Variants in BRD2 observed in about 807,000 individuals in gnomAD.
The protein encoded by BRD2 is bromodomain-containing protein 2.
A neutral mutation model predicts 79.1 loss-of-function variants in BRD2; 15 were observed. The ratio of observed to expected loss-of-function variants is 0.19; its 90% CI spans 0.13 to 0.29. BRD2 has a LOEUF of 0.29. BRD2 is among the 10% of genes least tolerant of loss of function. The pLI is 1.00. For synonymous variants in BRD2, 488 were observed against 358.6 expected (o/e 1.36, Z -4.08); for missense variants, 1,053 against 991.3 (o/e 1.06, Z -0.84).
At chr6:32,974,261 A>C (rs1778421967) in intron 2 of BRD2, among the ~76,000 whole-genome samples, 2 of 152,246 alleles carry the variant, frequency 1.3e-5, no homozygotes, top group Non-Finnish European at 2.9e-5. Context: ...TAGATAGTAT[A>C]CTAAAAATAT....
Position 32,980,821 on chromosome 6 carries a change from AC to A in BRD2, c.*112del, listed in dbSNP as rs5875429. 166,713 of 1,204,520 alleles carry A rather than the reference AC, an allele frequency of 0.14. 11,467 individuals are homozygous for A. The highest frequency in any genetic ancestry group is 0.16 in the Non-Finnish European group (137,996 of 872,798). The allele number at this position is 1,204,520 out of a possible 1,614,324, so 74.6% of individuals were successfully genotyped here. A position where few individuals can be genotyped will look rare whatever the true frequency, so the allele number is the denominator to read the frequency against. ...CTTTGCTGTGACACTTCTTCATCTC[AC>A]CCCCCCCCGCCCCCCTCTAGGAGAG... On this transcript the variant is annotated 3_prime_UTR_variant, in exon 13 of 13. Transcript: ENST00000374825.
intron 3 of BRD2, 76 bp from the exon 4 acceptor site, chr6:32,975,308 G>GTA: frequency 8.4e-7 from 1 of 1,195,198 alleles, no homozygotes; most frequent in African/African-American, 1.7e-5. Context: ...GTGTGTGTGT[G>GTA]TGAGAGTCGG....
chr6:32,975,355 T>G (rs753133665), intron 3 of BRD2, 29 bp from the exon 4 acceptor site: 1 of 1,570,546 alleles, frequency 6.4e-7, no homozygotes, highest in African/African-American at 1.4e-5. Flanking sequence ...TATTTTTCTG[T>G]GGTTCTGACC....
intron 10 of BRD2, 180 bp downstream of exon 10, chr6:32,978,568 A>G (rs1353924154): frequency 3.9e-6 from 4 of 1,023,670 alleles, no homozygotes; most frequent in Non-Finnish European, 4.2e-6. Flanking sequence ...TTTACCACAG[A>G]CAGGGTTTGA....
At chr6:32,979,524 G>C in intron 10 of BRD2, 1 of 411,604 alleles carries the variant, frequency 2.4e-6, no homozygotes, top group Non-Finnish European at 4.3e-6. Flanking sequence ...TGACAACCCT[G>C]TGTGGAGCAA....
chr6:32,979,720 C>T (rs1779281577), intron 10 of BRD2, 108 bp from the exon 11 acceptor site: 1 of 1,328,418 alleles, frequency 7.5e-7, no homozygotes, highest in African/African-American at 1.5e-5. Flanking sequence ...AATGGAAAAA[C>T]AGAAGCTCCA....
chr6:32,969,553 G>C (rs1310001312), intron 1 of BRD2, among the ~76,000 whole-genome samples: 1 of 152,196 alleles, frequency 6.6e-6, no homozygotes, highest in African/African-American at 2.4e-5. Context: ...TTGTGTCCGC[G>C]GTAGGGGAGC....
In BRD2 at chr6:32,976,270, A is replaced by G. The variant is rs747030640; in HGVS notation, c.631A>G (p.Ser211Gly). Residue 211 changes from serine to glycine, a missense_variant, in exon 6 of 13, where the codon AGT becomes GGT. Ser to Gly is a moderately conservative substitution (Grantham distance 56, BLOSUM62 0). Transcript: ENST00000374825. ...TCTAGCGCTCCAGGGCAGTGTTACC[A>G]GTGCCCATCAGGTGCCTGCCGTCTC... ...KLAALQGSVT[S>G]AHQVPAVSSV... 1.9e-6 allele frequency: 3 copies of G among 1,613,036 alleles called. No individual in the cohort carries two copies. The highest frequency in any genetic ancestry group is 1.1e-5 in the South Asian group (1 of 91,078).
rs758572300 is a variant in BRD2 at position 32,978,358 on chromosome 6, G to A, written c.1811G>A (p.Gly604Asp). The change falls in exon 10 of 13, where the codon GGC (glycine) becomes GAC (aspartate). Residue 604 changes from glycine to aspartate, a missense_variant. By Grantham distance (94) the Gly-to-Asp change is moderately conservative (BLOSUM62 -1). This residue lies in a region of BRD2 where 454 missense variants were observed against 430.5 expected (regional missense o/e 1.05). Transcript: ENST00000374825. ...GGGSAALGPS[G>D]FGPSGGSGTK... ...GGCAGTGCTGCTTTAGGCCCTTCTG[G>A]CTTTGGACCTTCTGGAGGAAGTGGC... The A allele has an allele frequency of 1.2e-6, 2 of 1,612,662 alleles. No homozygotes were observed. Among genetic ancestry groups the A allele is most frequent in the Non-Finnish European group, 8.5e-7 (1 of 1,179,956 alleles).
Position 32,972,913 on chromosome 6 carries a change from G to A in BRD2, c.15G>A (p.Val5=), listed in dbSNP as rs752766238. 1.2e-6 allele frequency: 2 copies of A among 1,613,978 alleles called. No individual in the cohort carries two copies. Among genetic ancestry groups the A allele is most frequent in the African/African-American group, 2.7e-5 (2 of 74,934 alleles). MLQN[V]TPHNKLPGEG... ...TTGCGGTCAAGATGCTGCAAAACGT[G>A]ACTCCCCACAATAAGTACGTTTCCG... Residue 5 remains valine, a synonymous_variant, in exon 2 of 13, where the codon GTG becomes GTA. Transcript: ENST00000374825.
chr6:32,978,974 T>C (rs1275235693), intron 10 of BRD2: 1 of 154,818 alleles, frequency 6.5e-6, no homozygotes, highest in Non-Finnish European at 1.4e-5. Context: ...TGCCTGTTGC[T>C]CTAAATCAAT....
intron 4 of BRD2, 131 bp downstream of exon 4, chr6:32,975,652 C>A: frequency 1.8e-6 from 2 of 1,130,318 alleles, no homozygotes; most frequent in Non-Finnish European, 1.3e-6. Context: ...TAGTCGGAGT[C>A]TTAAAAACCT....
At position 32,972,064 on chromosome 6, in the gene BRD2, C is replaced by T. The variant is rs777890525; in HGVS notation, c.-835C>T. 4 of 699,292 alleles carry T rather than the reference C, an allele frequency of 5.7e-6. No individual in the cohort carries two copies. The Admixed American group carries it at 6.0e-5, about 11-fold the overall frequency. 43.3% of individuals were successfully genotyped at this position (699,292 alleles called of 1,614,324 possible). ...GAGAGGTGTTCCTTCCCCTTCGACT[C>T]AGCTTCTTCACCCGCGTGAGCGAGC... On this transcript the variant is annotated 5_prime_UTR_variant, in exon 2 of 13. Transcript: ENST00000374825.
chr6:32,976,485 C>T, intron 6 of BRD2, 21 bp downstream of exon 6: 4 of 1,605,474 alleles, frequency 2.5e-6, no homozygotes, highest in Middle Eastern at 1.7e-4. Context: ...TGGATTTCCT[C>T]TGGGCAGCAG....
intron 10 of BRD2, chr6:32,978,927 A>G (rs969337942): frequency 6.3e-6 from 1 of 158,902 alleles, no homozygotes; most frequent in African/African-American, 2.4e-5. Context: ...TTGCAAAGAC[A>G]CGTGGCGATC....
chr6:32,973,406 G>A (rs1415500158), intron 2 of BRD2, among the ~76,000 whole-genome samples: 1 of 152,100 alleles, frequency 6.6e-6, no homozygotes, highest in Non-Finnish European at 1.5e-5. Flanking sequence ...GGTTCCTAAT[G>A]CCCAGGGTAT....
chr6:32,969,874 C>T (rs2127496356), intron 1 of BRD2, among the ~76,000 whole-genome samples: 1 of 152,274 alleles, frequency 6.6e-6, no homozygotes, highest in East Asian at 1.9e-4. Flanking sequence ...TCTTCCATCG[C>T]CTCCCTCATC....
intron 9 of BRD2, 27 bp downstream of exon 9, chr6:32,978,032 A>G (rs1779001237): frequency 1.2e-6 from 2 of 1,606,344 alleles, no homozygotes; most frequent in Non-Finnish European, 8.5e-7. Context: ...GAAAGTTTTT[A>G]TTGGGTAAGA....
At position 32,972,605 on chromosome 6, in the gene BRD2, A is replaced by G; in HGVS notation, c.-294A>G. The G allele has an allele frequency of 1.8e-6, 1 of 560,618 alleles. No individual in the cohort carries two copies. The highest frequency in any genetic ancestry group is 2.1e-5 in the South Asian group (1 of 46,524). 34.7% of individuals were successfully genotyped at this position (560,618 alleles called of 1,614,324 possible). On this transcript the variant is annotated 5_prime_UTR_variant, in exon 2 of 13. Transcript: ENST00000374825. ...GGCTATATTGACGACGGTGTCTGAG[A>G]TCGGGGACCGTCTTTTGAAGAGTCA... is the stretch of plus-strand genomic sequence containing the variant.
Sources: gnomAD v4.1 joint callset for allele counts (sites outside exome capture counted in the v4.1 genomes callset) on GRCh38, gnomAD v4.1.1 for gene constraint, gnomAD v4.1.1 regional missense constraint, MANE v1.5 for transcripts, NCBI Gene and HGNC (gene_info 2026-07-23, HGNC 2026-07-21) for gene names.